The following NELL1 variants were observed in gnomAD, a reference collection of about 807,000 sequenced individuals.
NELL1 encodes neural EGFL like 1, also known as protein kinase C-binding protein NELL1.
Under a neutral mutation model 107.4 loss-of-function variants are expected in NELL1, and 76 were observed. The observed-to-expected ratio is 0.71, with a 90% CI of 0.59 to 0.86. The LOEUF (loss-of-function observed/expected upper bound fraction) is 0.86, where lower values mean the gene tolerates loss of function less well. Ranked by LOEUF, NELL1 falls within the 40% of genes least tolerant of loss-of-function variation. NELL1 has a pLI of 0.00. For synonymous variants in NELL1, 353 were observed against 341.2 expected (o/e 1.03, Z -0.38); for missense variants, 1,024 against 1,005.5 (o/e 1.02, Z -0.25).
At chr11:21,560,780 C>T (rs1856831051) in intron 17 of NELL1, among the ~76,000 whole-genome samples, 1 of 152,080 alleles carries the variant, frequency 6.6e-6, no homozygotes, top group South Asian at 2.1e-4. Context: ...TGAACTTGCT[C>T]ACTTTATGAC....
intron 15 of NELL1, among the ~76,000 whole-genome samples, chr11:21,404,570 G>C (rs1852189121): frequency 6.6e-6 from 1 of 151,954 alleles, no homozygotes; most frequent in Non-Finnish European, 1.5e-5. Context: ...CAAGGAGTAA[G>C]AGGAATTATA....
At chr11:20,826,535 G>A (rs999074289) in intron 3 of NELL1, among the ~76,000 whole-genome samples, 5 of 151,208 alleles carry the variant, frequency 3.3e-5, no homozygotes, top group Non-Finnish European at 5.9e-5. Flanking sequence ...GGGACAGCTG[G>A]CATTCTCTGC....
intron 15 of NELL1, among the ~76,000 whole-genome samples, chr11:21,457,426 A>C (rs1336961022): frequency 6.6e-6 from 1 of 152,142 alleles, no homozygotes; most frequent in Admixed American, 6.6e-5. Flanking sequence ...TGAGGTATTA[A>C]ACATTATTTT....
intron 9 of NELL1, among the ~76,000 whole-genome samples, chr11:20,928,924 G>A (rs1473151925): frequency 2.0e-5 from 3 of 152,148 alleles, no homozygotes; most frequent in African/African-American, 4.8e-5. Flanking sequence ...GCCTTTGTTA[G>A]GAACTTCCGG....
chr11:20,881,144 C>T (rs1177784233), intron 4 of NELL1, among the ~76,000 whole-genome samples: 2 of 152,094 alleles, frequency 1.3e-5, no homozygotes, highest in African/African-American at 4.8e-5. Flanking sequence ...ATAAGTAAGC[C>T]TAGTTAGGAA....
chr11:21,302,490 G>A (rs933952693), intron 14 of NELL1, among the ~76,000 whole-genome samples: 3 of 152,016 alleles, frequency 2.0e-5, no homozygotes, highest in African/African-American at 7.2e-5. Flanking sequence ...CATATGGCCA[G>A]TTATGAAATT....
chr11:20,714,175 CCTATCTG>C (rs1186658134), intron 2 of NELL1, among the ~76,000 whole-genome samples: 1 of 147,348 alleles, frequency 6.8e-6, no homozygotes, highest in African/African-American at 2.5e-5. Context: ...TCCCCTGTCT[CCTATCTG>C]CTATCTCCCC....
chr11:21,011,642 C>G (rs891990815), intron 12 of NELL1, among the ~76,000 whole-genome samples: 2 of 152,160 alleles, frequency 1.3e-5, no homozygotes, highest in Non-Finnish European at 2.9e-5. Flanking sequence ...ATTACACTCT[C>G]TGCAGTTGGG....
Position 20,705,646 on chromosome 11 carries a change from A to G in NELL1, c.184+27586A>G. On this transcript the variant is annotated intron_variant, in intron 2 of 19. Coordinates refer to ENST00000357134, the MANE Select transcript of NELL1 (RefSeq NM_006157.5). ...TAAAACACCAAAAGCAATGGCAACA[A>G]AAGCCAAAATTGACAAATGGGATCT... 1.4e-5 allele frequency among the ~76,000 whole-genome samples: 2 copies of G among 142,640 alleles called. 1 individual carries two copies. The highest frequency in any genetic ancestry group is 1.4e-4 in the Admixed American group (2 of 14,534). The allele number at this position is 142,640 out of a possible 152,430, so 93.6% of individuals were successfully genotyped here. A position where few individuals can be genotyped will look rare whatever the true frequency, so the allele number is the denominator to read the frequency against.
intron 2 of NELL1, among the ~76,000 whole-genome samples, chr11:20,775,167 A>T (rs573066854): frequency 3.6e-4 from 55 of 152,188 alleles, no homozygotes; most frequent in Non-Finnish European, 3.2e-4. Flanking sequence ...ATGTGGAAAG[A>T]GGAAAAATTT....
intron 12 of NELL1, among the ~76,000 whole-genome samples, chr11:21,056,408 G>A (rs1853616607): frequency 6.6e-6 from 1 of 152,074 alleles, no homozygotes; most frequent in African/African-American, 2.4e-5. Context: ...TCAGAAGTGA[G>A]GAGGTTTGGG....
chr11:21,158,518 T>A (rs1856295004), intron 13 of NELL1, among the ~76,000 whole-genome samples: 1 of 152,228 alleles, frequency 6.6e-6, no homozygotes, highest in Non-Finnish European at 1.5e-5. Flanking sequence ...CATAAATACA[T>A]AATCATTTGA....
intron 15 of NELL1, among the ~76,000 whole-genome samples, chr11:21,513,476 C>A (rs2133947050): frequency 6.6e-6 from 1 of 152,042 alleles, no homozygotes; most frequent in South Asian, 2.1e-4. Flanking sequence ...ATTTGTGATT[C>A]TATTAACGGA....
chr11:21,063,666 A>G (rs1340845623), intron 12 of NELL1, among the ~76,000 whole-genome samples: 1 of 152,210 alleles, frequency 6.6e-6, no homozygotes, highest in African/African-American at 2.4e-5. Context: ...TCTTTGTAAC[A>G]CAACAGACTG....
chr11:21,412,795 G>A (rs1393678605), intron 15 of NELL1, among the ~76,000 whole-genome samples: 1 of 152,088 alleles, frequency 6.6e-6, no homozygotes, highest in Non-Finnish European at 1.5e-5. Context: ...GCCTGGGGAA[G>A]GGAGGGTGAC....
chr11:21,278,951 C>A (rs1848932833), intron 14 of NELL1, among the ~76,000 whole-genome samples: 2 of 152,202 alleles, frequency 1.3e-5, no homozygotes, highest in South Asian at 4.1e-4. Context: ...ATGCAAGAGA[C>A]TAGAGAGCCA....
At chr11:20,781,519 C>T (rs553064399) in intron 2 of NELL1, among the ~76,000 whole-genome samples, 1 of 152,210 alleles carries the variant, frequency 6.6e-6, no homozygotes, top group African/African-American at 2.4e-5. Flanking sequence ...TATTCATATC[C>T]ATTTCCTCCA....
In NELL1 at chr11:20,673,891, G is replaced by C. The variant is rs553561081; in HGVS notation, c.56-4041G>C. Among the ~76,000 whole-genome samples, 105 of 151,642 alleles carry C rather than the reference G, an allele frequency of 6.9e-4. 1 individual carries two copies. The highest frequency in any genetic ancestry group is 1.3e-3 in the Non-Finnish European group (86 of 67,992). ...CTCACACTACATAAGGTTCAAGACA[G>C]CCCATGTCAATGCTGCCTTATTAAT... On this transcript the variant is annotated intron_variant, in intron 1 of 19. Transcript: ENST00000357134.
chr11:21,101,426 A>C, intron 12 of NELL1, among the ~76,000 whole-genome samples: 1 of 152,212 alleles, frequency 6.6e-6, no homozygotes, highest in Non-Finnish European at 1.5e-5. Context: ...TGACTTCCAC[A>C]ATGGTTGAAC....
Sources: allele counts gnomAD v4.1 joint callset (sites outside exome capture counted in the v4.1 genomes callset), GRCh38; gene constraint gnomAD v4.1.1; transcripts MANE v1.5; gene names NCBI Gene and HGNC (gene_info 2026-07-23, HGNC 2026-07-21).